Variants in TRPM3 observed in about 807,000 individuals in gnomAD.
TRPM3 encodes transient receptor potential cation channel subfamily M member 3.
Under a neutral mutation model 181.2 loss-of-function variants are expected in TRPM3, and 77 were observed. The observed-to-expected ratio is 0.42, with a 90% CI of 0.35 to 0.51. The LOEUF (loss-of-function observed/expected upper bound fraction) is 0.51, where lower values mean the gene tolerates loss of function less well. TRPM3 is among the 20% of genes least tolerant of loss of function. The pLI, the probability that TRPM3 is intolerant of heterozygous loss-of-function variation, is 0.01. For synonymous variants in TRPM3, 745 were observed against 796.4 expected (o/e 0.94, Z 1.09); for missense variants, 1,759 against 2,196.7 (o/e 0.80, Z 3.98).
At chr9:70,700,535 G>A (rs2072165334) in intron 8 of TRPM3, among the ~76,000 whole-genome samples, 1 of 152,180 alleles carries the variant, frequency 6.6e-6, no homozygotes, top group Admixed American at 6.5e-5. Context: ...CAAAAAGACT[G>A]TGCTCTTTGT....
chr9:71,220,046 C>T (rs948059700), intron 1 of TRPM3, among the ~76,000 whole-genome samples: 53 of 152,216 alleles, frequency 3.5e-4, no homozygotes, highest in African/African-American at 1.2e-3. Flanking sequence ...ATATCAGGTC[C>T]CCATTGTTTT....
At chr9:70,752,778 T>C (rs2076409421) in intron 8 of TRPM3, among the ~76,000 whole-genome samples, 1 of 152,132 alleles carries the variant, frequency 6.6e-6, no homozygotes, top group African/African-American at 2.4e-5. Context: ...CCATAGAACC[T>C]AGGTGTGTAG....
chr9:71,338,324 C>T (rs142079637), intron 1 of TRPM3, among the ~76,000 whole-genome samples: 44 of 152,244 alleles, frequency 2.9e-4, no homozygotes, highest in African/African-American at 9.4e-4. Context: ...GTAATTTAAT[C>T]GCCTGCTGGA....
At chr9:70,660,919 C>G (rs1250196074) in intron 9 of TRPM3, among the ~76,000 whole-genome samples, 2 of 152,068 alleles carry the variant, frequency 1.3e-5, no homozygotes, top group African/African-American at 2.4e-5. Context: ...AGGGAATCTT[C>G]CCTACATCAT....
intron 1 of TRPM3, among the ~76,000 whole-genome samples, chr9:70,965,912 G>A (rs770240187): frequency 5.3e-5 from 8 of 151,822 alleles, no homozygotes; most frequent in Non-Finnish European, 8.8e-5. Context: ...AAACTAAAGA[G>A]CTTCTATACG....
chr9:71,191,186 A>C (rs2077998624), intron 1 of TRPM3, among the ~76,000 whole-genome samples: 1 of 151,712 alleles, frequency 6.6e-6, no homozygotes, highest in Non-Finnish European at 1.5e-5. Flanking sequence ...CTTAAACATA[A>C]AGCTGTATTG....
intron 1 of TRPM3, among the ~76,000 whole-genome samples, chr9:71,136,379 CA>C (rs1197912679): frequency 1.3e-5 from 2 of 152,184 alleles, no homozygotes; most frequent in East Asian, 3.9e-4. Context: ...GCTCTGACAT[CA>C]AACATGGACA....
At chr9:70,598,136 A>T (rs540979630) in intron 21 of TRPM3, among the ~76,000 whole-genome samples, 1 of 152,312 alleles carries the variant, frequency 6.6e-6, no homozygotes, top group Non-Finnish European at 1.5e-5. Flanking sequence ...TCATGGAAAG[A>T]ACATCTTTGT....
At chr9:71,075,492 T>C (rs2063334324) in intron 1 of TRPM3, among the ~76,000 whole-genome samples, 2 of 152,226 alleles carry the variant, frequency 1.3e-5, no homozygotes, top group Non-Finnish European at 2.9e-5. Flanking sequence ...CTTGTTCCCA[T>C]GTGGATTTCG....
At chr9:71,091,701 A>T (rs1196465085) in intron 1 of TRPM3, among the ~76,000 whole-genome samples, 1 of 152,124 alleles carries the variant, frequency 6.6e-6, no homozygotes, top group Non-Finnish European at 1.5e-5. Flanking sequence ...GATTGAATTT[A>T]CTGTCATTTT....
chr9:71,097,594 A>G (rs959679397), intron 1 of TRPM3, among the ~76,000 whole-genome samples: 2 of 151,806 alleles, frequency 1.3e-5, no homozygotes, highest in African/African-American at 4.8e-5. Flanking sequence ...TTCCTCTAAA[A>G]CCAAATATAT....
At chr9:70,739,972 ACAAT>A (rs2073679448) in intron 8 of TRPM3, among the ~76,000 whole-genome samples, 1 of 152,180 alleles carries the variant, frequency 6.6e-6, no homozygotes, top group African/African-American at 2.4e-5. Flanking sequence ...CCTAGCCAGA[ACAAT>A]CAGACAAGAG....
At chr9:70,956,495 T>C (rs1004021801) in intron 1 of TRPM3, among the ~76,000 whole-genome samples, 2 of 152,164 alleles carry the variant, frequency 1.3e-5, no homozygotes, top group Admixed American at 1.3e-4. Context: ...TAAAACTTAC[T>C]GTTGACTAAA....
chr9:70,888,365 G>A (rs972881734), intron 1 of TRPM3, among the ~76,000 whole-genome samples: 15 of 90,450 alleles, frequency 1.7e-4, no homozygotes, highest in Admixed American at 1.5e-3. Flanking sequence ...ATTTTGGGGT[G>A]TGTGTGTGTG....
At chr9:70,787,763 C>CTTTTTTTTTTTTTTTTTTTT in intron 6 of TRPM3, among the ~76,000 whole-genome samples, 4 of 68,558 alleles carry the variant, frequency 5.8e-5, no homozygotes, top group South Asian at 8.4e-4. Context: ...TTTTTGGATT[C>CTTTTTTTTTTTTTTTTTTTT]TTTTTTTTTT....
At chr9:71,145,461 A>T (rs762812557) in intron 1 of TRPM3, among the ~76,000 whole-genome samples, 1 of 152,174 alleles carries the variant, frequency 6.6e-6, no homozygotes, top group African/African-American at 2.4e-5. Flanking sequence ...ATACCACACC[A>T]TTGGACTGCA....
intron 18 of TRPM3, 123 bp downstream of exon 18, chr9:70,615,785 A>T: frequency 9.8e-7 from 1 of 1,018,020 alleles, no homozygotes; most frequent in Non-Finnish European, 1.4e-6. Context: ...CTCCATGATT[A>T]AACCTGGTGG....
chr9:71,162,218 A>G (rs75393669), intron 1 of TRPM3, among the ~76,000 whole-genome samples: 7,056 of 146,668 alleles, frequency 0.048, 156 homozygotes, highest in East Asian at 0.073. Flanking sequence ...AAAAAAAAAA[A>G]AAGAAGAAAA....
intron 17 of TRPM3, among the ~76,000 whole-genome samples, 186 bp downstream of exon 17, chr9:70,618,681 G>C (rs1196370125): frequency 6.6e-6 from 1 of 152,200 alleles, no homozygotes; most frequent in Non-Finnish European, 1.5e-5. Flanking sequence ...CCAGGGGGAG[G>C]CCCCAGCCTC....
Sources: gnomAD v4.1 joint callset for allele counts (sites outside exome capture counted in the v4.1 genomes callset) on GRCh38, gnomAD v4.1.1 for gene constraint, MANE v1.5 for transcripts, NCBI Gene and HGNC (gene_info 2026-07-23, HGNC 2026-07-21) for gene names.